Variants in DLG2 observed in about 807,000 individuals in gnomAD.
DLG2 encodes disks large homolog 2.
In DLG2, 45 loss-of-function variants were observed where a neutral mutation model predicts 132.5. That is an observed-to-expected ratio of 0.34 (90% CI 0.27 to 0.44). The LOEUF is 0.44. Ranked by LOEUF, DLG2 falls within the 20% of genes least tolerant of loss-of-function variation. DLG2 has a pLI of 1.00. For synonymous variants in DLG2, 424 were observed against 419.6 expected (o/e 1.01, Z -0.13); for missense variants, 1,045 against 1,196.9 (o/e 0.87, Z 1.87).
At chr11:85,383,052 T>C (rs930652885) in intron 3 of DLG2, among the ~76,000 whole-genome samples, 4 of 152,110 alleles carry the variant, frequency 2.6e-5, no homozygotes, top group African/African-American at 9.7e-5. Flanking sequence ...GTATTATTCA[T>C]AATAGTCAAA....
chr11:85,060,444 C>T (rs954409165), intron 6 of DLG2, among the ~76,000 whole-genome samples: 1 of 148,910 alleles, frequency 6.7e-6, no homozygotes, highest in African/African-American at 2.5e-5. Flanking sequence ...TATATATACA[C>T]GCATATGCAT....
chr11:83,536,400 G>A (rs2095876895), intron 20 of DLG2, among the ~76,000 whole-genome samples: 1 of 152,098 alleles, frequency 6.6e-6, no homozygotes, highest in South Asian at 2.1e-4. Context: ...GCTTCTTGGG[G>A]TTCTCTGCAA....
chr11:85,290,120 T>C (rs1373496134), intron 3 of DLG2, among the ~76,000 whole-genome samples: 2 of 152,108 alleles, frequency 1.3e-5, no homozygotes, highest in East Asian at 3.9e-4. Context: ...TTTTTAAGGA[T>C]CTAACAGAAG....
intron 6 of DLG2, among the ~76,000 whole-genome samples, chr11:85,093,906 C>T (rs1387424434): frequency 2.0e-5 from 3 of 152,150 alleles, no homozygotes; most frequent in African/African-American, 7.2e-5. Context: ...AACTTGGGAT[C>T]CATTGCATCT....
At chr11:85,177,649 A>AT (rs2152505460) in intron 4 of DLG2, among the ~76,000 whole-genome samples, 1 of 152,168 alleles carries the variant, frequency 6.6e-6, no homozygotes, top group Non-Finnish European at 1.5e-5. Flanking sequence ...AAACCTACAC[A>AT]TCCTACATAT....
intron 9 of DLG2, among the ~76,000 whole-genome samples, chr11:84,121,624 C>T (rs887308576): frequency 1.5e-5 from 2 of 130,818 alleles, no homozygotes; most frequent in Non-Finnish European, 3.1e-5. Flanking sequence ...TGCAGTGGCA[C>T]GATCTCGGCT....
At chr11:84,176,641 C>T (rs997736657) in intron 8 of DLG2, among the ~76,000 whole-genome samples, 1 of 151,916 alleles carries the variant, frequency 6.6e-6, no homozygotes, top group Admixed American at 6.6e-5. Flanking sequence ...TGAAAGGGGT[C>T]ATGCATACTC....
intron 11 of DLG2, among the ~76,000 whole-genome samples, chr11:84,043,514 T>A (rs1239635701): frequency 6.6e-6 from 1 of 151,780 alleles, no homozygotes; most frequent in African/African-American, 2.4e-5. Flanking sequence ...CAGTTATCTT[T>A]TCTCACTCTC....
intron 6 of DLG2, among the ~76,000 whole-genome samples, chr11:85,072,138 CA>C (rs1166850011): frequency 3.3e-5 from 5 of 151,848 alleles, no homozygotes; most frequent in African/African-American, 1.2e-4. Context: ...GTACCTGCTA[CA>C]GAAACAAGAG....
At chr11:84,193,589 T>C (rs1369849706) in intron 8 of DLG2, among the ~76,000 whole-genome samples, 2 of 152,186 alleles carry the variant, frequency 1.3e-5, no homozygotes, top group African/African-American at 4.8e-5. Flanking sequence ...ACTTCAAAAT[T>C]ATTTTCCACT....
At chr11:84,517,462 T>C (rs1270524189) in intron 7 of DLG2, among the ~76,000 whole-genome samples, 2 of 151,930 alleles carry the variant, frequency 1.3e-5, no homozygotes, top group African/African-American at 2.4e-5. Flanking sequence ...CTCACACTTA[T>C]TAGAATGGCT....
intron 3 of DLG2, among the ~76,000 whole-genome samples, chr11:85,377,771 TTG>T: frequency 1.6e-5 from 2 of 123,846 alleles, no homozygotes; most frequent in Middle Eastern, 7.9e-3. Context: ...TAAGTGCAAT[TTG>T]TGTGTGTATA....
intron 6 of DLG2, among the ~76,000 whole-genome samples, chr11:84,945,780 G>A (rs2154099719): frequency 6.6e-6 from 1 of 152,224 alleles, no homozygotes; most frequent in Non-Finnish European, 1.5e-5. Flanking sequence ...ACTAGGTAAT[G>A]TGCATCCCAC....
rs1258037315 is a variant in DLG2, at chr11:85,314,402, G to A, written c.41-29037C>T. On this transcript the variant is annotated intron_variant, in intron 3 of 27. Coordinates refer to ENST00000376104, the MANE Select transcript of DLG2 (RefSeq NM_001142699.3). ...TCAGCTAGGAAAAGATTCAAAAATA[G>A]AGAGGATCATATAAATATATCTATA... 2.6e-5 allele frequency among the ~76,000 whole-genome samples: 4 copies of A among 151,812 alleles called. No individual in the cohort carries two copies. In the East Asian group the frequency reaches 7.7e-4, roughly 29 times the overall value.
At chr11:83,863,746 C>T (rs751832854) in intron 16 of DLG2, among the ~76,000 whole-genome samples, 2 of 152,046 alleles carry the variant, frequency 1.3e-5, no homozygotes, top group Non-Finnish European at 2.9e-5. Flanking sequence ...AGTAACAGCT[C>T]AAGGTGATAA....
At chr11:84,254,095 A>G (rs1162180211) in intron 7 of DLG2, among the ~76,000 whole-genome samples, 1 of 152,114 alleles carries the variant, frequency 6.6e-6, no homozygotes, top group Non-Finnish European at 1.5e-5. Context: ...ATGACTCACA[A>G]AAGTGTGCCT....
chr11:83,682,677 C>T (rs1439375696), intron 18 of DLG2, among the ~76,000 whole-genome samples: 2 of 152,086 alleles, frequency 1.3e-5, no homozygotes. Context: ...GGATCAACTC[C>T]TATATTTGCA....
chr11:85,119,572 A>G (rs2074065470), intron 5 of DLG2, among the ~76,000 whole-genome samples: 1 of 152,058 alleles, frequency 6.6e-6, no homozygotes, highest in African/African-American at 2.4e-5. Flanking sequence ...AAATTTGGAT[A>G]TTATTACTAC....
intron 18 of DLG2, among the ~76,000 whole-genome samples, chr11:83,712,131 C>A (rs956401469): frequency 1.3e-5 from 2 of 151,994 alleles, no homozygotes; most frequent in Non-Finnish European, 2.9e-5. Context: ...GGCAGAAATA[C>A]CATTTGGCCC....
Sources: allele counts gnomAD v4.1 joint callset (sites outside exome capture counted in the v4.1 genomes callset), GRCh38; gene constraint gnomAD v4.1.1; transcripts MANE v1.5; gene names NCBI Gene and HGNC (gene_info 2026-07-23, HGNC 2026-07-21).